HYDIN: variants seen among roughly 807,000 people sequenced by gnomAD.
HYDIN encodes HYDIN axonemal central pair apparatus protein.
HYDIN carries 132 observed loss-of-function variants against 403.9 expected under a neutral mutation model. The observed-to-expected ratio is 0.33, with a 90% CI of 0.28 to 0.38. HYDIN has a LOEUF of 0.38. Among genes scored for constraint, HYDIN ranks in the 10% least tolerant of loss-of-function variants. The pLI is 1.00. For missense variants in HYDIN, 2,827 were observed against 5,009.5 expected, an observed-to-expected ratio of 0.56 and a Z score of 13.15; for synonymous variants, 1,202 against 1,891.7, an observed-to-expected ratio of 0.64 and a Z score of 9.46.
Position 70,939,103 on chromosome 16 carries a change from C to T in HYDIN, c.6854-348G>A, listed in dbSNP as rs777440388. On this transcript the variant is annotated intron_variant, in intron 43 of 85. Coordinates refer to ENST00000393567, the MANE Select transcript of HYDIN (RefSeq NM_001270974.2). ...CCCAGTCTAATTATAAGGGTCCTTT[C>T]GAGGGATGCAGGAGAGTCAGTCAGA... 4.6e-5 allele frequency among the ~76,000 whole-genome samples: 7 copies of T among 152,172 alleles called. No homozygotes were observed. In the South Asian group the frequency reaches 8.3e-4, roughly 18 times the overall value.
intron 7 of HYDIN, among the ~76,000 whole-genome samples, chr16:71,150,275 AAT>A (rs2085488562): frequency 6.7e-6 from 1 of 149,328 alleles, no homozygotes; most frequent in African/African-American, 2.4e-5. Flanking sequence ...TAAAAACAAT[AAT>A]AATAATTAAA....
chr16:70,931,136 G>A lies in HYDIN; in HGVS notation c.7158+4816C>T, dbSNP rs375957236. ...AAGAATTCAGGAAGGAACAAGCCAT[G>A]AATTTTCATACATGTGAGCAAATAA... On this transcript the variant is annotated intron_variant, in intron 45 of 85. Transcript: ENST00000393567. 5.3e-4 allele frequency among the ~76,000 whole-genome samples: 80 copies of A among 150,262 alleles called. No individual in the cohort carries two copies. The East Asian group carries it at 0.015, about 29-fold the overall frequency.
chr16:71,030,996 C>T (rs370901492), intron 19 of HYDIN, among the ~76,000 whole-genome samples: 12 of 151,348 alleles, frequency 7.9e-5, no homozygotes, highest in African/African-American at 2.9e-4. Flanking sequence ...GTCAGGAGAT[C>T]GAGACCATCC....
intron 83 of HYDIN, among the ~76,000 whole-genome samples, chr16:70,826,428 G>A (rs1000363926): frequency 1.1e-4 from 16 of 151,838 alleles, no homozygotes; most frequent in Admixed American, 2.6e-4. Flanking sequence ...CTTATTTCAT[G>A]AGTACGATTT....
chr16:71,030,868 C>T (rs1423515284), intron 19 of HYDIN, among the ~76,000 whole-genome samples: 3 of 151,940 alleles, frequency 2.0e-5, no homozygotes, highest in Admixed American at 1.3e-4. Context: ...TCTCAGTTGT[C>T]GGTACTATGG....
At chr16:70,994,482 T>C (rs1436401333) in intron 23 of HYDIN, among the ~76,000 whole-genome samples, 2 of 152,150 alleles carry the variant, frequency 1.3e-5, no homozygotes, top group East Asian at 3.9e-4. Context: ...ATTTGACTTG[T>C]TCCAGACCAG....
intron 60 of HYDIN, among the ~76,000 whole-genome samples, chr16:70,881,949 G>T (rs892996007): frequency 3.3e-5 from 5 of 152,202 alleles, no homozygotes; most frequent in Non-Finnish European, 7.3e-5. Context: ...ACCTCTCTTG[G>T]TATCCTGAAT....
intron 23 of HYDIN, among the ~76,000 whole-genome samples, chr16:70,995,518 A>G (rs1190359690): frequency 6.6e-6 from 1 of 152,184 alleles, no homozygotes; most frequent in Non-Finnish European, 1.5e-5. Flanking sequence ...GATCACCACA[A>G]TCTTTTGTGC....
intron 47 of HYDIN, among the ~76,000 whole-genome samples, chr16:70,916,826 CTTTT>C (rs2076854538): frequency 6.6e-6 from 1 of 152,076 alleles, no homozygotes; most frequent in Admixed American, 6.5e-5. Flanking sequence ...TTTTTCTTTT[CTTTT>C]TCTCTTTCTC....
rs377198701 is a variant in HYDIN at position 71,175,668 on chromosome 16, T to C, written c.455A>G (p.His152Arg). The C allele has an allele frequency of 9.8e-5, 158 of 1,614,062 alleles. No individual in the cohort carries two copies. The highest frequency in any genetic ancestry group is 1.9e-5 in the Non-Finnish European group (23 of 1,179,982). ...GGAAGGCACTCCAGGAGCCACTTTG[T>C]GGCCAATATCTTTGGGGCTGATTAC... The part of the protein sequence containing the change: ...FKVISPKDIG[H>R]KVAPGVPSIF... Residue 152 changes from histidine to arginine, a missense_variant, in exon 5 of 86, where the codon CAC becomes CGC. His to Arg is a conservative substitution (Grantham distance 29, BLOSUM62 0). Coordinates refer to ENST00000393567, the MANE Select transcript of HYDIN (RefSeq NM_001270974.2).
At chr16:70,905,270 G>A (rs1387083075) in intron 50 of HYDIN, among the ~76,000 whole-genome samples, 5 of 151,750 alleles carry the variant, frequency 3.3e-5, no homozygotes, top group South Asian at 2.1e-4. Context: ...CTCCAGGTGC[G>A]TTACCCAGTT....
At chr16:71,178,557 G>A (rs2086778658) in intron 4 of HYDIN, among the ~76,000 whole-genome samples, 1 of 150,518 alleles carries the variant, frequency 6.6e-6, no homozygotes, top group South Asian at 2.1e-4. Context: ...TCTTGAATTG[G>A]GGAAATGATG....
chr16:70,828,574 G>A (rs937503622), intron 81 of HYDIN, 145 bp from the exon 82 acceptor site: 97 of 441,258 alleles, frequency 2.2e-4, no homozygotes, highest in African/African-American at 2.0e-3. Flanking sequence ...TGGTGATATA[G>A]TTCAGGAGAT....
chr16:70,900,746 T>G (rs2076348061), intron 53 of HYDIN, among the ~76,000 whole-genome samples: 1 of 151,250 alleles, frequency 6.6e-6, no homozygotes, highest in African/African-American at 2.4e-5. Flanking sequence ...CATTCATTCA[T>G]TCATTTATTT....
At chr16:71,047,467 C>T (rs1216452788) in intron 18 of HYDIN, among the ~76,000 whole-genome samples, 1 of 152,052 alleles carries the variant, frequency 6.6e-6, no homozygotes, top group East Asian at 1.9e-4. Context: ...GGGCTCACAG[C>T]TCTCTGTTAA....
At chr16:70,922,893 A>G (rs1351300839) in intron 45 of HYDIN, among the ~76,000 whole-genome samples, 6 of 148,452 alleles carry the variant, frequency 4.0e-5, no homozygotes, top group Admixed American at 2.7e-4. Flanking sequence ...CAGCCTCCCA[A>G]GTAGCTTGGG....
At chr16:71,177,350 G>A (rs1429071039) in intron 4 of HYDIN, among the ~76,000 whole-genome samples, 1 of 152,192 alleles carries the variant, frequency 6.6e-6, no homozygotes, top group African/African-American at 2.4e-5. Flanking sequence ...AGTGAGAACT[G>A]AACTGCATGA....
At chr16:71,186,282 T>A (rs554360071) in intron 2 of HYDIN, among the ~76,000 whole-genome samples, 2 of 152,166 alleles carry the variant, frequency 1.3e-5, no homozygotes, top group Non-Finnish European at 2.9e-5. Context: ...GCTATAAATA[T>A]GTTTTATTTT....
At chr16:70,934,336 T>A (rs973948168) in intron 45 of HYDIN, among the ~76,000 whole-genome samples, 1 of 151,996 alleles carries the variant, frequency 6.6e-6, no homozygotes, top group Admixed American at 6.6e-5. Context: ...GAAAACTTTT[T>A]TTTTTTTCAT....
Sources: gnomAD v4.1 joint callset for allele counts (sites outside exome capture counted in the v4.1 genomes callset) on GRCh38, gnomAD v4.1.1 for gene constraint, MANE v1.5 for transcripts, NCBI Gene and HGNC (gene_info 2026-07-23, HGNC 2026-07-21) for gene names.